Variants in ZEB2 observed in about 807,000 individuals in gnomAD.
ZEB2 encodes the protein zinc finger E-box-binding homeobox 2.
Under a neutral mutation model 99.9 loss-of-function variants are expected in ZEB2, and 6 were observed. That is an observed-to-expected ratio of 0.06 (90% confidence interval 0.03 to 0.12). The LOEUF (loss-of-function observed/expected upper bound fraction) is 0.12, where lower values mean the gene tolerates loss of function less well. Ranked by LOEUF, ZEB2 falls within the 10% of genes least tolerant of loss-of-function variation. The pLI is 1.00. For missense variants in ZEB2, 969 were observed against 1,502.8 expected, an observed-to-expected ratio of 0.64 and a Z score of 5.87; for synonymous variants, 517 against 542.5, an observed-to-expected ratio of 0.95 and a Z score of 0.65.
At chr2:144,421,993 T>C (rs1395612162) in intron 4 of ZEB2, among the ~76,000 whole-genome samples, 1 of 152,228 alleles carries the variant, frequency 6.6e-6, no homozygotes, top group Non-Finnish European at 1.5e-5. Context: ...CAAGTACTGC[T>C]ATATGCTAAA....
chr2:144,396,611 G>A lies in ZEB2; in HGVS notation c.2887-19C>T, dbSNP rs753804585. 11 of 1,610,514 alleles carry A rather than the reference G, an allele frequency of 6.8e-6. No individual in the cohort carries two copies. The East Asian group carries it at 2.5e-4, about 36-fold the overall frequency. On this transcript the variant is annotated intron_variant, in intron 8 of 9. Coordinates refer to ENST00000627532, the MANE Select transcript of ZEB2 (RefSeq NM_014795.4). Reference sequence around the variant, plus strand: ...ATTCTCCCTGCGATAGAATCACACAGTTCAATACAGTGGCTTCTCTTTGTG... The same window carrying A: ...ATTCTCCCTGCGATAGAATCACACAATTCAATACAGTGGCTTCTCTTTGTG...
chr2:144,401,292 G>C lies in ZEB2; in HGVS notation c.823C>G (p.Gln275Glu), dbSNP rs587784570. 6.2e-7 allele frequency: 1 copy of C among 1,614,088 alleles called. No individual in the cohort carries two copies. Among genetic ancestry groups the C allele is most frequent in the Non-Finnish European group, 8.5e-7 (1 of 1,179,960 alleles). ...TTGAACTTGCGATTACCTGCTCCTT[G>C]GGTTAGCATTTGGTGCTATAAAAGG... ...PGTDQHQMLT[Q>E]GAGNRKFKCT... The change falls in exon 7 of 10, where the codon CAA becomes GAA. Residue 275 changes from glutamine (Q) to glutamate (E), a missense_variant. Gln to Glu is a conservative substitution (Grantham distance 29). Transcript: ENST00000627532.
At chr2:144,491,068 C>A (rs1241050477) in intron 2 of ZEB2, among the ~76,000 whole-genome samples, 1 of 152,206 alleles carries the variant, frequency 6.6e-6, no homozygotes, top group Non-Finnish European at 1.5e-5. Context: ...CGGAACAGCT[C>A]AGAAGAAGCT....
chr2:144,429,871 C>G lies in ZEB2; in HGVS notation c.229G>C (p.Ala77Pro). The G allele has an allele frequency of 6.2e-7, 1 of 1,613,790 alleles. No homozygotes were observed. Among genetic ancestry groups the G allele is most frequent in the South Asian group, 1.1e-5 (1 of 91,072 alleles). ...NHESSPHVSQ[A>P]LLPREEEEDE... is the part of the protein sequence containing the mutation. ...TCCTCTTCCTCTCTTGGCAACAGAG[C>G]TTGGCTCACGTGTGGGGAGGACTCA... Residue 77 changes from alanine to proline, a missense_variant, in exon 3 of 10, where the codon GCT (alanine) becomes CCT (proline). Physicochemically the swap from Ala to Pro is conservative, Grantham distance 27 (BLOSUM62 -1). This residue lies in a region of ZEB2 where 173 missense variants were observed against 217.7 expected (regional missense o/e 0.79). Coordinates refer to ENST00000627532, the MANE Select transcript of ZEB2 (RefSeq NM_014795.4).
chr2:144,488,405 T>C (rs1471951593), intron 2 of ZEB2, among the ~76,000 whole-genome samples: 1 of 152,224 alleles, frequency 6.6e-6, no homozygotes, highest in Non-Finnish European at 1.5e-5. Context: ...TTATTTTCTC[T>C]GAACCAAATC....
chr2:144,390,589 C>T (rs1043696267), intron 9 of ZEB2: 9 of 186,526 alleles, frequency 4.8e-5, no homozygotes, highest in African/African-American at 2.2e-4. Context: ...ACTGTCTTAT[C>T]AGTCATAGGA....
chr2:144,434,997 G>A (rs1208575720), intron 2 of ZEB2, among the ~76,000 whole-genome samples: 2 of 152,200 alleles, frequency 1.3e-5, no homozygotes, highest in East Asian at 1.9e-4. Flanking sequence ...ATGGCACTGT[G>A]TGATGTATAA....
At chr2:144,422,861 A>G (rs1265211102) in intron 4 of ZEB2, among the ~76,000 whole-genome samples, 1 of 152,180 alleles carries the variant, frequency 6.6e-6, no homozygotes, top group African/African-American at 2.4e-5. Flanking sequence ...GGCTCCTACC[A>G]TTTGTTGCAG....
intron 2 of ZEB2, among the ~76,000 whole-genome samples, chr2:144,442,598 G>T (rs1396696583): frequency 2.0e-5 from 3 of 152,060 alleles, no homozygotes; most frequent in Non-Finnish European, 4.4e-5. Context: ...ATTTTTGAAA[G>T]AGGTAAAATA....
chr2:144,496,414 A>G (rs1378944956), intron 2 of ZEB2: 1 of 152,120 alleles, frequency 6.6e-6, no homozygotes, highest in Non-Finnish European at 1.5e-5. Context: ...ACCATTTTTT[A>G]TTTTCTTTTT....
chr2:144,409,803 C>T (rs1437492349), intron 4 of ZEB2, among the ~76,000 whole-genome samples: 1 of 151,976 alleles, frequency 6.6e-6, no homozygotes, highest in African/African-American at 2.4e-5. Flanking sequence ...GTAGCAGAAA[C>T]GCTTGAGCTT....
chr2:144,429,050 C>T (rs1353090574), intron 3 of ZEB2: 11 of 152,170 alleles, frequency 7.2e-5, no homozygotes, highest in Admixed American at 5.2e-4. Flanking sequence ...AGCGATTCTC[C>T]GTCATAAGTG....
At chr2:144,470,786 G>A (rs553542023) in intron 2 of ZEB2, among the ~76,000 whole-genome samples, 4 of 152,168 alleles carry the variant, frequency 2.6e-5, no homozygotes, top group Non-Finnish European at 5.9e-5. Context: ...AAATATTCCA[G>A]CATCTAGTCA....
At position 144,405,037 on chromosome 2, in the gene ZEB2, A is replaced by G; in HGVS notation, c.404-13T>C. On this transcript the variant is annotated splice_polypyrimidine_tract_variant and intron_variant, in intron 4 of 9. Coordinates refer to ENST00000627532, the MANE Select transcript of ZEB2 (RefSeq NM_014795.4). ...TTTGCATTCTTCACTGAAATCATAA[A>G]AGGAGAAGAAATGTTGTTTCCGGGC... 6.2e-7 allele frequency: 1 copy of G among 1,612,244 alleles called. No homozygotes were observed. The highest frequency in any genetic ancestry group is 8.5e-7 in the Non-Finnish European group (1 of 1,179,816).
intron 4 of ZEB2, chr2:144,405,390 A>G: frequency 4.3e-6 from 1 of 233,508 alleles, no homozygotes; most frequent in Non-Finnish European, 8.5e-6. Flanking sequence ...GATTAAGCCT[A>G]TTTTAATAGT....
chr2:144,442,461 C>CAA (rs1301265387), intron 2 of ZEB2, among the ~76,000 whole-genome samples: 2 of 152,224 alleles, frequency 1.3e-5, no homozygotes, highest in Admixed American at 1.3e-4. Context: ...TAGGCTCACT[C>CAA]AATTTTCAAG....
chr2:144,398,615 C>T lies in ZEB2; in HGVS notation c.2572G>A (p.Glu858Lys). The T allele has an allele frequency of 6.2e-7, 1 of 1,614,132 alleles. No homozygotes were observed. Among genetic ancestry groups the T allele is most frequent in the Non-Finnish European group, 8.5e-7 (1 of 1,180,014 alleles). Residue 858 changes from glutamate to lysine, a missense_variant, in exon 8 of 10, where the codon GAG becomes AAG. Glu to Lys is a moderately conservative substitution (Grantham distance 56). Around this residue, in one of 8 missense-constraint regions of ZEB2, gnomAD observed 346 missense variants for 460.0 expected, o/e 0.75. Transcript: ENST00000627532. ...SVSSSSENSDEPLNLTFIKKE... is the reference protein window; with the variant it reads ...SVSSSSENSDKPLNLTFIKKE... ...TTGATAAAAGTCAAGTTCAGAGGCTCATCTGAGTTTTCAGATGAGGAAGAA... is the reference window on the plus strand; with the variant it reads ...TTGATAAAAGTCAAGTTCAGAGGCTTATCTGAGTTTTCAGATGAGGAAGAA...
intron 2 of ZEB2, among the ~76,000 whole-genome samples, chr2:144,509,891 A>G (rs1560655986): frequency 6.6e-6 from 1 of 152,204 alleles, no homozygotes; most frequent in Non-Finnish European, 1.5e-5. Flanking sequence ...CGAGGGTTTA[A>G]ACAGTTCCCA....
chr2:144,499,322 C>T (rs965890011), intron 2 of ZEB2, among the ~76,000 whole-genome samples: 1 of 152,170 alleles, frequency 6.6e-6, no homozygotes, highest in African/African-American at 2.4e-5. Flanking sequence ...AGTTAAATTT[C>T]TTCCATTAAA....
Sources: gnomAD v4.1 joint callset for allele counts (sites outside exome capture counted in the v4.1 genomes callset) on GRCh38, gnomAD v4.1.1 for gene constraint, gnomAD v4.1.1 regional missense constraint, MANE v1.5 for transcripts, NCBI Gene and HGNC (gene_info 2026-07-23, HGNC 2026-07-21) for gene names.